The following SLC24A2 variants were observed in gnomAD, a reference collection of about 807,000 sequenced individuals.
The protein encoded by SLC24A2 is sodium/potassium/calcium exchanger 2.
SLC24A2 carries 36 observed loss-of-function variants against 62.0 expected under a neutral mutation model. The ratio of observed to expected loss-of-function variants is 0.58; its 90% CI spans 0.44 to 0.77. SLC24A2 has a LOEUF of 0.77. Among genes scored for constraint, SLC24A2 ranks in the 30% least tolerant of loss-of-function variants. The probability of loss-of-function intolerance (pLI) is 0.00; values close to 1 mark genes in which losing one functional copy is unlikely to be tolerated. For synonymous variants in SLC24A2, 358 were observed against 294.0 expected, an observed-to-expected ratio of 1.22 and a Z score of -2.23; for missense variants, 846 against 817.9, an observed-to-expected ratio of 1.03 and a Z score of -0.42.
At chr9:19,721,711 AAC>A (rs1821029600) in intron 2 of SLC24A2, among the ~76,000 whole-genome samples, 1 of 152,148 alleles carries the variant, frequency 6.6e-6, no homozygotes, top group Admixed American at 6.5e-5. Flanking sequence ...TTTCTAATGA[AAC>A]AGTTCTATGG....
intron 9 of SLC24A2, among the ~76,000 whole-genome samples, chr9:19,526,220 G>C (rs1046630302): frequency 1.3e-5 from 2 of 152,076 alleles, no homozygotes; most frequent in Non-Finnish European, 2.9e-5. Flanking sequence ...CCATTGTATG[G>C]ATATACCATA....
chr9:20,002,513 G>A, the SLC24A2 span, among the ~76,000 whole-genome samples: 1 of 151,998 alleles, frequency 6.6e-6, no homozygotes, highest in Non-Finnish European at 1.5e-5. Flanking sequence ...ACAAACTCAG[G>A]TACCCTTATT....
At chr9:19,809,633 T>C in the SLC24A2 span, among the ~76,000 whole-genome samples, 1 of 152,112 alleles carries the variant, frequency 6.6e-6, no homozygotes, top group African/African-American at 2.4e-5. Context: ...GTCAGCCACA[T>C]GTACAGTAAG....
At chr9:20,254,691 C>CT in the SLC24A2 span, among the ~76,000 whole-genome samples, 5 of 152,150 alleles carry the variant, frequency 3.3e-5, no homozygotes, top group African/African-American at 9.7e-5. Context: ...GTGACAACTT[C>CT]TAGTTTCATG....
chr9:20,212,255 A>T, the SLC24A2 span, among the ~76,000 whole-genome samples: 2 of 151,908 alleles, frequency 1.3e-5, no homozygotes, highest in Admixed American at 6.6e-5. Context: ...TCAATTTATA[A>T]CAAAGATGTG....
the SLC24A2 span, among the ~76,000 whole-genome samples, chr9:20,086,299 G>T: frequency 6.6e-6 from 1 of 152,048 alleles, no homozygotes; most frequent in Non-Finnish European, 1.5e-5. Context: ...TGGACCACAT[G>T]GCCCGTATTT....
At chr9:20,253,822 TTC>T in the SLC24A2 span, among the ~76,000 whole-genome samples, 1 of 152,148 alleles carries the variant, frequency 6.6e-6, no homozygotes, top group Non-Finnish European at 1.5e-5. Flanking sequence ...GCATCCTTGG[TTC>T]TCTTTCTTGG....
the SLC24A2 span, among the ~76,000 whole-genome samples, chr9:20,168,164 CTAGA>C: frequency 6.6e-6 from 1 of 151,674 alleles, no homozygotes; most frequent in Admixed American, 6.6e-5. Context: ...TCTATCAGAC[CTAGA>C]TAGATAGTTA....
At chr9:20,062,730 A>G in the SLC24A2 span, among the ~76,000 whole-genome samples, 11,625 of 79,388 alleles carry the variant, frequency 0.15, 533 homozygotes, top group East Asian at 0.31. Flanking sequence ...GAAAATTTTC[A>G]CAACCTACTC....
chr9:19,576,758 G>A (rs1274284319), intron 6 of SLC24A2, among the ~76,000 whole-genome samples, 166 bp downstream of exon 6: 4 of 152,138 alleles, frequency 2.6e-5, no homozygotes, highest in African/African-American at 9.7e-5. Flanking sequence ...TGCATACCCT[G>A]TACACACTAG....
chr9:19,817,495 T>A, the SLC24A2 span, among the ~76,000 whole-genome samples: 2 of 151,692 alleles, frequency 1.3e-5, no homozygotes, highest in Non-Finnish European at 2.9e-5. Flanking sequence ...TTATGTATAT[T>A]CACTTAACAT....
the SLC24A2 span, among the ~76,000 whole-genome samples, chr9:20,027,172 A>G: frequency 6.6e-6 from 1 of 152,120 alleles, no homozygotes. Context: ...GATAGCATGG[A>G]GAAAAGAGAA....
intron 4 of SLC24A2, among the ~76,000 whole-genome samples, chr9:19,610,667 T>C (rs762156374): frequency 1.6e-4 from 25 of 152,146 alleles, no homozygotes; most frequent in Non-Finnish European, 3.5e-4. Context: ...ATAACATCAT[T>C]GCTGTGCTGG....
chr9:19,546,396 A>T (rs1337996829), intron 8 of SLC24A2, among the ~76,000 whole-genome samples: 2 of 151,654 alleles, frequency 1.3e-5, no homozygotes, highest in Admixed American at 6.6e-5. Flanking sequence ...AGAGAGGAGG[A>T]ATCTATAGAA....
chr9:20,037,071 T>C, the SLC24A2 span, among the ~76,000 whole-genome samples: 1 of 152,062 alleles, frequency 6.6e-6, no homozygotes, highest in Admixed American at 6.6e-5. Flanking sequence ...AATTTTTTTG[T>C]ACTTTTAGTA....
chr9:19,732,969 T>C (rs1348453530), intron 2 of SLC24A2, among the ~76,000 whole-genome samples: 2 of 152,102 alleles, frequency 1.3e-5, no homozygotes, highest in African/African-American at 4.8e-5. Flanking sequence ...AAATGAGTAA[T>C]AGCTAGAGGG....
chr9:20,064,868 T>C, the SLC24A2 span, among the ~76,000 whole-genome samples: 1 of 152,072 alleles, frequency 6.6e-6, no homozygotes, highest in Non-Finnish European at 1.5e-5. Context: ...GAGCCCAGTG[T>C]GAGAATCCCA....
chr9:19,947,224 C>T, the SLC24A2 span, among the ~76,000 whole-genome samples: 2 of 152,174 alleles, frequency 1.3e-5, no homozygotes, highest in Non-Finnish European at 2.9e-5. Flanking sequence ...GCTGTGCTGT[C>T]TGCCAAGGCC....
the SLC24A2 span, among the ~76,000 whole-genome samples, chr9:19,878,524 T>A: frequency 6.6e-6 from 1 of 152,148 alleles, no homozygotes; most frequent in African/African-American, 2.4e-5. Context: ...CCACCCAAAT[T>A]TCATGTAGAA....
Sources: allele counts gnomAD v4.1 joint callset (sites outside exome capture counted in the v4.1 genomes callset), GRCh38; gene constraint gnomAD v4.1.1; transcripts MANE v1.5; gene names NCBI Gene and HGNC (gene_info 2026-07-23, HGNC 2026-07-21).